APP: variants seen among roughly 807,000 people sequenced by gnomAD.
APP encodes the protein amyloid beta precursor protein, also known as amyloid-beta precursor protein.
APP carries 31 observed loss-of-function variants against 101.4 expected under a neutral mutation model. That is an observed-to-expected ratio of 0.31 (90% CI 0.23 to 0.41). The LOEUF (loss-of-function observed/expected upper bound fraction) is 0.41. APP is among the 10% of genes least tolerant of loss of function. The probability of loss-of-function intolerance (pLI) is 1.00; values close to 1 mark genes in which losing one functional copy is unlikely to be tolerated. For missense variants in APP, 839 were observed against 1,003.7 expected, an observed-to-expected ratio of 0.84 and a Z score of 2.22; for synonymous variants, 366 against 364.4, an observed-to-expected ratio of 1.00 and a Z score of -0.05.
At chr21:26,031,569 T>C (rs12626697) in intron 5 of APP, among the ~76,000 whole-genome samples, 16,357 of 151,098 alleles carry the variant, frequency 0.11, 1,340 homozygotes, top group East Asian at 0.32. Flanking sequence ...AAGAGAAAAA[T>C]GAGGAAAAGG....
At chr21:25,881,916 A>T in intron 17 of APP, 145 bp from the exon 18 acceptor site, 1 of 851,254 alleles carries the variant, frequency 1.2e-6, no homozygotes, top group Non-Finnish European at 1.9e-6. Flanking sequence ...CCACTTTGAC[A>T]TCTTGGAGCA....
rs71183520 is a variant in APP, at chr21:25,900,987, C to CAAAAAAAAA, written c.1964-3323_1964-3315dup. 1.8e-3 allele frequency among the ~76,000 whole-genome samples: 218 copies of CAAAAAAAAA among 118,490 alleles called. 3 individuals are homozygous for CAAAAAAAAA. Among genetic ancestry groups the CAAAAAAAAA allele is most frequent in the African/African-American group, 9.0e-3 (191 of 21,228 alleles). 77.7% of individuals were successfully genotyped at this position (118,490 alleles called of 152,430 possible). On this transcript the variant is annotated intron_variant, in intron 15 of 17. Coordinates refer to ENST00000346798, the MANE Select transcript of APP (RefSeq NM_000484.4). ...TGGGCGACAGAGTGAGACTCCATCT[C>CAAAAAAAAA]AAAAAAAAAAAAAAAAAGAATGAGC...
At chr21:25,980,544 A>G (rs1271310705) in intron 9 of APP, among the ~76,000 whole-genome samples, 1 of 152,226 alleles carries the variant, frequency 6.6e-6, no homozygotes, top group Non-Finnish European at 1.5e-5. Flanking sequence ...CATCGTGGGC[A>G]GCCACTAGAA....
At chr21:25,917,466 T>A (rs1420448181) in intron 13 of APP, among the ~76,000 whole-genome samples, 1 of 152,200 alleles carries the variant, frequency 6.6e-6, no homozygotes, top group African/African-American at 2.4e-5. Context: ...AATAGCCTTA[T>A]AAATAAAAGA....
At chr21:25,955,395 T>A (rs1406334216) in intron 12 of APP, among the ~76,000 whole-genome samples, 2 of 152,200 alleles carry the variant, frequency 1.3e-5, no homozygotes, top group African/African-American at 4.8e-5. Context: ...TCCTTAGCAA[T>A]CAGTTAGCAG....
intron 3 of APP, among the ~76,000 whole-genome samples, chr21:26,082,031 A>C (rs1006891393): frequency 2.6e-5 from 4 of 152,172 alleles, no homozygotes; most frequent in Admixed American, 1.3e-4. Flanking sequence ...CAACCTGGCC[A>C]ACATGATGAA....
At chr21:26,137,631 C>A (rs978166083) in intron 1 of APP, among the ~76,000 whole-genome samples, 1 of 152,030 alleles carries the variant, frequency 6.6e-6, no homozygotes, top group Non-Finnish European at 1.5e-5. Context: ...AAGCAAGACA[C>A]CAAAACTAAG....
intron 6 of APP, among the ~76,000 whole-genome samples, chr21:26,020,963 A>G (rs1030247507): frequency 6.6e-6 from 1 of 152,104 alleles, no homozygotes; most frequent in African/African-American, 2.4e-5. Flanking sequence ...GCACTGCCGT[A>G]CTTCCCAATA....
At chr21:26,009,965 AG>A in intron 6 of APP, 1 of 160,648 alleles carries the variant, frequency 6.2e-6, no homozygotes, top group Non-Finnish European at 1.4e-5. Context: ...AAAAAAAAAA[AG>A]AAAAAAAGAA....
intron 6 of APP, among the ~76,000 whole-genome samples, chr21:26,010,215 A>AC (rs1601196921): frequency 7.0e-6 from 1 of 141,958 alleles, no homozygotes; most frequent in East Asian, 2.0e-4. Context: ...CTTTTGAACA[A>AC]AAAAAAAAAA....
intron 1 of APP, among the ~76,000 whole-genome samples, chr21:26,167,372 T>C (rs960290833): frequency 6.6e-6 from 1 of 152,196 alleles, no homozygotes; most frequent in African/African-American, 2.4e-5. Flanking sequence ...TTGTAATTGA[T>C]AGAGATTTTA....
intron 17 of APP, among the ~76,000 whole-genome samples, chr21:25,885,953 G>A (rs2146210302): frequency 6.6e-6 from 1 of 152,224 alleles, no homozygotes. Flanking sequence ...GCGGGTGTGT[G>A]AGCTTGGAGG....
intron 5 of APP, among the ~76,000 whole-genome samples, chr21:26,043,410 T>C (rs964141143): frequency 6.6e-6 from 1 of 152,110 alleles, no homozygotes; most frequent in East Asian, 1.9e-4. Flanking sequence ...TTTGTATTTT[T>C]AGTAGAGAGG....
chr21:25,936,410 A>C (rs563857830), intron 13 of APP, among the ~76,000 whole-genome samples: 39 of 152,248 alleles, frequency 2.6e-4, no homozygotes, highest in African/African-American at 7.9e-4. Context: ...AAAATTAGCC[A>C]GGCATGCCTG....
intron 8 of APP, among the ~76,000 whole-genome samples, chr21:25,994,547 TCTCC>T (rs1278248124): frequency 2.0e-5 from 3 of 152,246 alleles, no homozygotes; most frequent in Admixed American, 6.5e-5. Flanking sequence ...TCATACATTT[TCTCC>T]CTAAGTGTAA....
chr21:25,917,330 G>A (rs1021883063), intron 13 of APP, among the ~76,000 whole-genome samples: 1 of 150,534 alleles, frequency 6.6e-6, no homozygotes, highest in African/African-American at 2.4e-5. Context: ...GAGGGAAGAA[G>A]CCCTACCACT....
chr21:25,887,022 G>C (rs2037370501), intron 17 of APP, among the ~76,000 whole-genome samples: 1 of 151,560 alleles, frequency 6.6e-6, no homozygotes, highest in Non-Finnish European at 1.5e-5. Context: ...TCATTAATGA[G>C]ATAACCAGGA....
intron 3 of APP, among the ~76,000 whole-genome samples, chr21:26,074,170 C>A (rs757362234): frequency 1.3e-5 from 2 of 152,086 alleles, no homozygotes; most frequent in Non-Finnish European, 2.9e-5. Context: ...GAGTAATATT[C>A]TTGAAAATAC....
chr21:26,134,013 T>C (rs2062846671), intron 1 of APP, among the ~76,000 whole-genome samples: 2 of 152,236 alleles, frequency 1.3e-5, no homozygotes, highest in Admixed American at 6.5e-5. Flanking sequence ...TATGTTGAAA[T>C]TCCTTTGCAG....
Sources: gnomAD v4.1 joint callset for allele counts (sites outside exome capture counted in the v4.1 genomes callset) on GRCh38, gnomAD v4.1.1 for gene constraint, MANE v1.5 for transcripts, NCBI Gene and HGNC (gene_info 2026-07-23, HGNC 2026-07-21) for gene names.